Variants in ADGB observed in about 807,000 individuals in gnomAD.
ADGB encodes the protein androglobin.
In ADGB, 172 loss-of-function variants were observed where a neutral mutation model predicts 210.5. The observed-to-expected ratio is 0.82, with a 90% CI of 0.72 to 0.93. The LOEUF is 0.93. ADGB is among the 40% of genes least tolerant of loss of function. The pLI is 0.00. For synonymous variants in ADGB, 658 were observed against 662.7 expected (o/e 0.99, Z 0.11); for missense variants, 2,025 against 1,964.8 (o/e 1.03, Z -0.58).
At chr6:146,733,357 G>A (rs1777031571) in intron 21 of ADGB, 102 bp downstream of exon 21, 3 of 1,194,322 alleles carry the variant, frequency 2.5e-6, no homozygotes, top group African/African-American at 1.6e-5. Context: ...AAGTCTGTGT[G>A]GACTGTCATG....
chr6:146,627,116 A>G (rs1481887897), intron 1 of ADGB, among the ~76,000 whole-genome samples: 3 of 151,998 alleles, frequency 2.0e-5, no homozygotes, highest in African/African-American at 7.2e-5. Flanking sequence ...TTTTGAAAAT[A>G]TGGAATTCAG....
At chr6:146,718,269 C>G (rs1484160870) in intron 16 of ADGB, among the ~76,000 whole-genome samples, 2 of 149,866 alleles carry the variant, frequency 1.3e-5, no homozygotes, top group Non-Finnish European at 2.9e-5. Flanking sequence ...ATCGCTTGAA[C>G]CTGGGAGGCA....
chr6:146,710,246 T>C (rs1400819847), intron 13 of ADGB, among the ~76,000 whole-genome samples: 1 of 151,838 alleles, frequency 6.6e-6, no homozygotes, highest in Non-Finnish European at 1.5e-5. Context: ...TCTTCTAAAA[T>C]GTTATAGTTT....
intron 6 of ADGB, 56 bp from the exon 7 acceptor site, chr6:146,666,760 A>G (rs893186505): frequency 4.2e-5 from 44 of 1,050,196 alleles, no homozygotes; most frequent in Non-Finnish European, 6.1e-5. Flanking sequence ...GTTCTTATAT[A>G]TCTTTATGTG....
At chr6:146,727,824 T>A (rs1299513963) in intron 19 of ADGB, among the ~76,000 whole-genome samples, 1 of 152,188 alleles carries the variant, frequency 6.6e-6, no homozygotes, top group East Asian at 1.9e-4. Context: ...GTCAGTGTGT[T>A]CCAGTAACGA....
Position 146,734,038 on chromosome 6 carries a change from T to A in ADGB, c.2794+8T>A. On this transcript the variant is annotated splice_region_variant and intron_variant, in intron 22 of 35. Transcript: ENST00000397944. ...TGAAAGCCAGAATACCAGGTATGAT[T>A]GTCCAAACATTTATAAAATGAACTT... 1 of 1,547,074 alleles carries A rather than the reference T, an allele frequency of 6.5e-7. No individual in the cohort carries two copies. Among genetic ancestry groups the A allele is most frequent in the Non-Finnish European group, 8.7e-7 (1 of 1,145,394 alleles).
intron 26 of ADGB, among the ~76,000 whole-genome samples, chr6:146,749,400 ACT>A (rs891468992): frequency 1.4e-4 from 21 of 152,068 alleles, no homozygotes; most frequent in African/African-American, 5.1e-4. Context: ...GAATATGAAG[ACT>A]CTCTGATGTT....
rs565021148 is a variant in ADGB at position 146,707,306 on chromosome 6, C to A, written c.1707+6236C>A. On this transcript the variant is annotated intron_variant, in intron 13 of 35. Coordinates refer to ENST00000397944, the MANE Select transcript of ADGB (RefSeq NM_024694.4). Reference sequence around the variant, plus strand: ...TGTGAGCTTGAGAAGAATGTGTATTCCACTGCTGCTAGATGCAATGTTCTG... The same window carrying A: ...TGTGAGCTTGAGAAGAATGTGTATTACACTGCTGCTAGATGCAATGTTCTG... 2.6e-5 allele frequency among the ~76,000 whole-genome samples: 4 copies of A among 152,218 alleles called. No homozygotes were observed. In the South Asian group the frequency reaches 8.3e-4, roughly 32 times the overall value.
At chr6:146,697,629 A>G (rs149831916) in intron 12 of ADGB, among the ~76,000 whole-genome samples, 2,991 of 152,006 alleles carry the variant, frequency 0.02, 80 homozygotes, top group African/African-American at 0.06. Context: ...AAAAAATGGG[A>G]AAAAAAAGTA....
At chr6:146,668,939 C>T (rs531112583) in intron 7 of ADGB, among the ~76,000 whole-genome samples, 1 of 152,174 alleles carries the variant, frequency 6.6e-6, no homozygotes, top group South Asian at 2.1e-4. Context: ...GTGAACATAG[C>T]ACTCTGCCAC....
At chr6:146,752,086 G>C (rs1466206533) in intron 26 of ADGB, among the ~76,000 whole-genome samples, 1 of 152,018 alleles carries the variant, frequency 6.6e-6, no homozygotes, top group Non-Finnish European at 1.5e-5. Context: ...CCTGAGACTG[G>C]GTAATTTCTG....
At chr6:146,701,380 CT>C (rs1776487781) in intron 13 of ADGB, among the ~76,000 whole-genome samples, 2 of 151,980 alleles carry the variant, frequency 1.3e-5, no homozygotes, top group Admixed American at 1.3e-4. Context: ...AGATTCCTCC[CT>C]TTTGTTTCAT....
intron 10 of ADGB, among the ~76,000 whole-genome samples, chr6:146,689,894 T>C (rs1174399901): frequency 1.3e-5 from 2 of 152,158 alleles, no homozygotes; most frequent in Non-Finnish European, 2.9e-5. Flanking sequence ...CTCTAAGACA[T>C]AATTCCAGAG....
At chr6:146,690,343 G>A (rs1583591259) in intron 10 of ADGB, among the ~76,000 whole-genome samples, 1 of 152,216 alleles carries the variant, frequency 6.6e-6, no homozygotes, top group South Asian at 2.1e-4. Context: ...TGACAAAATC[G>A]GTCAAAATTG....
chr6:146,812,095 G>A (rs1313400673), intron 35 of ADGB, among the ~76,000 whole-genome samples: 1 of 152,040 alleles, frequency 6.6e-6, no homozygotes, highest in African/African-American at 2.4e-5. Context: ...TTTTTCTTCT[G>A]ATCAAAGCAT....
In ADGB at chr6:146,691,302, A is replaced by G. The variant is rs1168844596; in HGVS notation, c.1486+12A>G. The stretch of plus-strand genomic sequence containing the variant: ...AGATGAAGCTCAAGGTATGTATCAC[A>G]TCATCTTCAAATCCTTCTAATTAAT... On this transcript the variant is annotated intron_variant, in intron 11 of 35. Coordinates refer to ENST00000397944, the MANE Select transcript of ADGB (RefSeq NM_024694.4). The G allele has an allele frequency of 6.5e-7, 1 of 1,527,776 alleles. No individual in the cohort carries two copies. The highest frequency in any genetic ancestry group is 8.8e-7 in the Non-Finnish European group (1 of 1,137,848). 94.6% of individuals were successfully genotyped at this position (1,527,776 alleles called of 1,614,324 possible). A position where few individuals can be genotyped will look rare whatever the true frequency, so the allele number is the denominator to read the frequency against.
chr6:146,659,435 T>C (rs1176254483), intron 5 of ADGB, among the ~76,000 whole-genome samples: 3 of 152,138 alleles, frequency 2.0e-5, no homozygotes, highest in East Asian at 1.9e-4. Context: ...CTTTTTCTTA[T>C]TGGAAATTGA....
intron 2 of ADGB, among the ~76,000 whole-genome samples, chr6:146,640,890 A>C (rs942957671): frequency 2.6e-5 from 4 of 152,020 alleles, no homozygotes; most frequent in Non-Finnish European, 5.9e-5. Context: ...TCTATTTAAC[A>C]TAGTATTGGA....
chr6:146,634,818 C>T (rs1775382066), intron 1 of ADGB, among the ~76,000 whole-genome samples: 1 of 149,068 alleles, frequency 6.7e-6, no homozygotes, highest in Non-Finnish European at 1.5e-5. Context: ...AAATCGACCA[C>T]CCCCCCAAAT....
Sources: gnomAD v4.1 joint callset for allele counts (sites outside exome capture counted in the v4.1 genomes callset) on GRCh38, gnomAD v4.1.1 for gene constraint, MANE v1.5 for transcripts, NCBI Gene and HGNC (gene_info 2026-07-23, HGNC 2026-07-21) for gene names.